Variants in TXLNG observed in about 807,000 individuals in gnomAD.
The protein encoded by TXLNG is taxilin gamma, also known as gamma-taxilin.
TXLNG carries 5 observed loss-of-function variants against 38.8 expected under a neutral mutation model. The observed-to-expected ratio is 0.13, with a 90% confidence interval of 0.07 to 0.27. The LOEUF is 0.27. Among genes scored for constraint, TXLNG ranks in the 10% least tolerant of loss-of-function variants. The pLI is 1.00. For synonymous variants in TXLNG, 182 were observed against 158.2 expected, an observed-to-expected ratio of 1.15 and a Z score of -1.13; for missense variants, 393 against 398.2, an observed-to-expected ratio of 0.99 and a Z score of 0.11.
At chrX:16,832,514 T>TCGC in intron 5 of TXLNG, 109 bp from the exon 6 acceptor site, 1 of 1,006,579 alleles carries the variant, frequency 9.9e-7, no homozygotes, top group Non-Finnish European at 1.4e-6. Flanking sequence ...GCTGCAGTGG[T>TCGC]AGTAGCAGAA....
intron 1 of TXLNG, among the ~76,000 whole-genome samples, chrX:16,796,865 G>A (rs756784197): frequency 2.7e-5 from 3 of 111,631 alleles, no homozygotes; most frequent in Non-Finnish European, 3.8e-5. Context: ...ACTTCGGTTT[G>A]AGGATCTTTT....
chrX:16,834,410 T>C, intron 7 of TXLNG, 53 bp downstream of exon 7: 2 of 1,064,965 alleles, frequency 1.9e-6, no homozygotes, highest in Non-Finnish European at 2.6e-6. Context: ...TGTGGTTCCT[T>C]TGATTCTGCA....
At chrX:16,833,624 TACACAC>T (rs373147838) in intron 6 of TXLNG, among the ~76,000 whole-genome samples, 223 of 109,043 alleles carry the variant, frequency 2.0e-3, no homozygotes, top group Non-Finnish European at 3.7e-3. Context: ...ATAAATTTTA[TACACAC>T]ACACACACAC....
intron 1 of TXLNG, among the ~76,000 whole-genome samples, chrX:16,789,828 C>G (rs974355357): frequency 1.8e-4 from 20 of 108,605 alleles, no homozygotes; most frequent in Non-Finnish European, 3.2e-4. Context: ...GGGTTTCGCT[C>G]TTGTTGCCCA....
Position 16,818,560 on chromosome X carries a change from C to T in TXLNG, c.103-14C>T, listed in dbSNP as rs1289292189. ...CCCCTTCTCCATCTTTTTTCTCCTT[C>T]TCCTTTCTTCTAGTTTGAAATTGGC... On this transcript the variant is annotated splice_polypyrimidine_tract_variant and intron_variant, in intron 1 of 9. Coordinates refer to ENST00000380122, the MANE Select transcript of TXLNG (RefSeq NM_018360.3). 7.5e-6 allele frequency: 9 copies of T among 1,196,154 alleles called. No homozygotes were observed. Among genetic ancestry groups the T allele is most frequent in the Admixed American group, 6.8e-5 (3 of 43,903 alleles).
intron 1 of TXLNG, among the ~76,000 whole-genome samples, chrX:16,810,793 A>G (rs1330145812): frequency 9.0e-6 from 1 of 111,672 alleles, no homozygotes; most frequent in Admixed American, 9.6e-5. Context: ...GGTTCAAACA[A>G]TTCTTGTGCC....
At position 16,839,855 on chromosome X, in the gene TXLNG, C is replaced by T. The variant is rs1929728020; in HGVS notation, c.1187C>T (p.Thr396Ile). The stretch of plus-strand genomic sequence containing the variant: ...AAAATTAAAAAACTGGAAAAAGAAA[C>T]AATAATTTGGCGTACCAAATGGGAA... The part of the protein sequence containing the change: ...TKKIKKLEKE[T>I]IIWRTKWENN... Residue 396 changes from threonine (T) to isoleucine (I), a missense_variant, in exon 9 of 10, where the codon ACA (threonine) becomes ATA (isoleucine). Transcript: ENST00000380122. 2 of 1,199,233 alleles carry T rather than the reference C, an allele frequency of 1.7e-6. No homozygotes were observed. Among genetic ancestry groups the T allele is most frequent in the Admixed American group, 4.5e-5 (2 of 44,650 alleles).
At chrX:16,793,013 C>G (rs1382603163) in intron 1 of TXLNG, among the ~76,000 whole-genome samples, 1 of 108,698 alleles carries the variant, frequency 9.2e-6, no homozygotes, top group African/African-American at 3.4e-5. Flanking sequence ...AGGAGAATCA[C>G]TTGAACTTGG....
intron 3 of TXLNG, among the ~76,000 whole-genome samples, chrX:16,822,141 A>G (rs1033320832): frequency 4.5e-5 from 5 of 110,007 alleles, no homozygotes; most frequent in African/African-American, 1.7e-4. Context: ...GATCAAGACC[A>G]TCCTGGCTAA....
intron 1 of TXLNG, among the ~76,000 whole-genome samples, chrX:16,805,751 G>A (rs760347614): frequency 7.8e-4 from 88 of 112,268 alleles, no homozygotes; most frequent in African/African-American, 2.6e-3. Flanking sequence ...ATTTACATAA[G>A]ATCTAACCTT....
chrX:16,822,497 A>G (rs1929013837), intron 3 of TXLNG, among the ~76,000 whole-genome samples: 1 of 112,055 alleles, frequency 8.9e-6, no homozygotes, highest in Admixed American at 9.5e-5. Flanking sequence ...TCACAAATGC[A>G]AAGATGGCCG....
chrX:16,832,038 G>A (rs1929430834), intron 5 of TXLNG, among the ~76,000 whole-genome samples: 1 of 112,244 alleles, frequency 8.9e-6, no homozygotes, highest in South Asian at 3.7e-4. Context: ...ACCTTACCTA[G>A]TGCCACCATC....
chrX:16,801,124 G>A (rs1211197345), intron 1 of TXLNG, among the ~76,000 whole-genome samples: 1 of 112,653 alleles, frequency 8.9e-6, no homozygotes, highest in Non-Finnish European at 1.9e-5. Flanking sequence ...TTCCTGTACA[G>A]CCAACAGAAC....
intron 1 of TXLNG, among the ~76,000 whole-genome samples, chrX:16,804,090 C>T (rs1928223467): frequency 8.9e-6 from 1 of 112,374 alleles, no homozygotes; most frequent in Non-Finnish European, 1.9e-5. Context: ...CCGCAATCCA[C>T]ACAAAGGTAA....
chrX:16,817,469 A>T lies in TXLNG; in HGVS notation c.103-1105A>T, dbSNP rs184505422. The stretch of plus-strand genomic sequence containing the variant: ...TTGAGTTCTTCAGTTGCACAAAATG[A>T]TTATAACCTAAAATCTCAAATATCT... On this transcript the variant is annotated intron_variant, in intron 1 of 9. Transcript: ENST00000380122. 3.6e-5 allele frequency among the ~76,000 whole-genome samples: 4 copies of T among 112,339 alleles called. No individual in the cohort carries two copies. In the East Asian group the frequency reaches 1.1e-3, roughly 31 times the overall value.
intron 1 of TXLNG, among the ~76,000 whole-genome samples, chrX:16,813,782 T>A (rs1484144293): frequency 9.1e-6 from 1 of 110,431 alleles, no homozygotes; most frequent in East Asian, 2.9e-4. Context: ...GCATTAATGT[T>A]CATAGCAGAA....
At chrX:16,787,339 G>C (rs1239426890) in intron 1 of TXLNG, among the ~76,000 whole-genome samples, 1 of 111,109 alleles carries the variant, frequency 9.0e-6, no homozygotes, top group Admixed American at 9.4e-5. Context: ...CATGATAGCT[G>C]GTCCTCCCAG....
Position 16,818,785 on chromosome X carries a change from C to T in TXLNG, c.314C>T (p.Ser105Leu). The part of the protein sequence containing the change: ...LVSPAYCTQE[S>L]REEIPGGEAR... ...AGCCCAGCATACTGCACGCAAGAAT[C>T]AAGAGAGGAAATCCCTGGGGGAGAA... Residue 105 changes from serine (S) to leucine (L), a missense_variant, in exon 2 of 10, where the codon TCA (serine) becomes TTA (leucine). By Grantham distance (145) the Ser-to-Leu change is moderately radical. Transcript: ENST00000380122. 8.3e-7 allele frequency: 1 copy of T among 1,211,964 alleles called. No homozygotes were observed. The highest frequency in any genetic ancestry group is 1.1e-6 in the Non-Finnish European group (1 of 895,541).
chrX:16,786,966 T>G (rs1164260744), intron 1 of TXLNG, among the ~76,000 whole-genome samples: 4 of 111,178 alleles, frequency 3.6e-5, no homozygotes, highest in Non-Finnish European at 7.6e-5. Flanking sequence ...GTCACCGTGC[T>G]CCCGGCGCTG....
Sources: allele counts gnomAD v4.1 joint callset (sites outside exome capture counted in the v4.1 genomes callset), GRCh38; gene constraint gnomAD v4.1.1; transcripts MANE v1.5; gene names NCBI Gene and HGNC (gene_info 2026-07-23, HGNC 2026-07-21).